TMEM131L: variants seen among roughly 807,000 people sequenced by gnomAD.
TMEM131L encodes transmembrane 131 like.
A neutral mutation model predicts 192.2 loss-of-function variants in TMEM131L; 54 were observed. The observed-to-expected ratio is 0.28, with a 90% confidence interval of 0.23 to 0.35. The LOEUF (loss-of-function observed/expected upper bound fraction) is 0.35. Ranked by LOEUF, TMEM131L falls within the 10% of genes least tolerant of loss-of-function variation. The probability of loss-of-function intolerance (pLI) is 1.00; values close to 1 mark genes in which losing one functional copy is unlikely to be tolerated. For synonymous variants in TMEM131L, 701 were observed against 704.9 expected (o/e 0.99, Z 0.09); for missense variants, 1,888 against 1,972.9 (o/e 0.96, Z 0.82).
chr4:153,474,732 T>G (rs1431515989), intron 3 of TMEM131L, among the ~76,000 whole-genome samples: 1 of 152,116 alleles, frequency 6.6e-6, no homozygotes, highest in Non-Finnish European at 1.5e-5. Context: ...ATTTTTGTAT[T>G]TTTAGTAGAG....
At chr4:153,635,610 G>T in intron 34 of TMEM131L, 39 bp downstream of exon 34, 1 of 1,607,010 alleles carries the variant, frequency 6.2e-7, no homozygotes, top group Non-Finnish European at 8.5e-7. Flanking sequence ...CCCCTGGGCA[G>T]CTCTGAATTG....
chr4:153,582,054 T>C (rs1483642096), intron 9 of TMEM131L, among the ~76,000 whole-genome samples: 1 of 152,220 alleles, frequency 6.6e-6, no homozygotes, highest in Non-Finnish European at 1.5e-5. Context: ...CAGAAATAAA[T>C]GCATTCATCT....
chr4:153,583,591 GCT>G lies in TMEM131L; in HGVS notation c.982_983del (p.Leu328ValfsTer5), dbSNP rs1561213737. 3.1e-6 allele frequency: 5 copies of G among 1,611,082 alleles called. No individual in the cohort carries two copies. The highest frequency in any genetic ancestry group is 4.2e-6 in the Non-Finnish European group (5 of 1,178,208). On this transcript the variant is annotated frameshift_variant, in exon 11 of 35. Transcript: ENST00000409959. LOFTEE classifies it high-confidence loss of function. ...TATACGCCATTTCTCACAGAGAGAT[GCT>G]CTGTCTCTGCAGTTTGAACCAGTAC... ...QDIRHFSQRD[A>X]LSLQFEPVLL...
At chr4:153,532,299 G>A (rs1372475005) in intron 3 of TMEM131L, among the ~76,000 whole-genome samples, 2 of 152,198 alleles carry the variant, frequency 1.3e-5, no homozygotes, top group African/African-American at 4.8e-5. Flanking sequence ...CACAGAAAGG[G>A]AATGAGCTTG....
Position 153,466,545 on chromosome 4 carries a change from G to A in TMEM131L, c.124+24G>A, listed in dbSNP as rs564769211. ...AGGTCAGCCTTGCGCCGCTGGGCTC[G>A]CTCTGCCTCTCCACCCCGCCCCCGC... On this transcript the variant is annotated intron_variant, in intron 1 of 34. Coordinates refer to ENST00000409959, the MANE Select transcript of TMEM131L (RefSeq NM_001131007.2). 390 of 1,305,962 alleles carry A rather than the reference G, an allele frequency of 3.0e-4. 1 individual carries two copies. The African/African-American group carries it at 5.1e-3, about 17-fold the overall frequency. 80.9% of individuals were successfully genotyped at this position (1,305,962 alleles called of 1,614,324 possible).
intron 7 of TMEM131L, among the ~76,000 whole-genome samples, chr4:153,561,149 C>G (rs1045353643): frequency 5.1e-4 from 78 of 152,146 alleles, no homozygotes; most frequent in Non-Finnish European, 1.6e-4. Context: ...CATGGAGCAT[C>G]TTTTCATGTG....
In TMEM131L at chr4:153,586,393, T is replaced by C; in HGVS notation, c.1482+14T>C. ...GCACCAACCAAGGTATTTTCTACAA[T>C]ACTATATGTGTGTTACAGTTTTCTT... On this transcript the variant is annotated intron_variant, in intron 14 of 34. Coordinates refer to ENST00000409959, the MANE Select transcript of TMEM131L (RefSeq NM_001131007.2). 3.8e-6 allele frequency: 6 copies of C among 1,568,306 alleles called. No homozygotes were observed. Among genetic ancestry groups the C allele is most frequent in the Non-Finnish European group, 5.2e-6 (6 of 1,157,968 alleles).
rs1024610187 is a variant in TMEM131L at position 153,636,650 on chromosome 4, A to C, written c.*74A>C. On this transcript the variant is annotated 3_prime_UTR_variant, in exon 35 of 35. Coordinates refer to ENST00000409959, the MANE Select transcript of TMEM131L (RefSeq NM_001131007.2). Reference sequence around the variant, plus strand: ...TTACTAGTGTAAACTGGTTATTGAGATAGATTATGACATTGGTGGATATTT... The same window carrying C: ...TTACTAGTGTAAACTGGTTATTGAGCTAGATTATGACATTGGTGGATATTT... 2.1e-6 allele frequency: 3 copies of C among 1,431,240 alleles called. No individual in the cohort carries two copies. The African/African-American group carries it at 4.3e-5, about 20-fold the overall frequency. The allele number at this position is 1,431,240 out of a possible 1,614,324, so 88.7% of individuals were successfully genotyped here.
intron 13 of TMEM131L, 77 bp downstream of exon 13, chr4:153,585,688 T>C (rs966801390): frequency 5.9e-5 from 54 of 920,036 alleles, no homozygotes; most frequent in African/African-American, 1.0e-4. Context: ...AAATTATTTC[T>C]ATAAAATAAT....
intron 2 of TMEM131L, among the ~76,000 whole-genome samples, chr4:153,472,718 T>C (rs1462444879): frequency 1.3e-5 from 2 of 152,134 alleles, no homozygotes; most frequent in Non-Finnish European, 2.9e-5. Context: ...AGTGTACCAC[T>C]CTGAAAGGGC....
At chr4:153,601,631 T>C (rs1042216013) in intron 21 of TMEM131L, among the ~76,000 whole-genome samples, 1 of 152,262 alleles carries the variant, frequency 6.6e-6, no homozygotes, top group Non-Finnish European at 1.5e-5. Flanking sequence ...TCATAATCTT[T>C]CTTTTTTCAA....
At chr4:153,486,546 C>T (rs952615214) in intron 3 of TMEM131L, among the ~76,000 whole-genome samples, 2 of 152,192 alleles carry the variant, frequency 1.3e-5, no homozygotes, top group Non-Finnish European at 2.9e-5. Context: ...AGTGTCAGCA[C>T]CTGGGAGCCT....
rs572389756 is a variant in TMEM131L at position 153,523,504 on chromosome 4, A to G, written c.240-26569A>G. Among the ~76,000 whole-genome samples the G allele has an allele frequency of 7.9e-5, 12 of 152,344 alleles. No individual in the cohort carries two copies. The South Asian group carries it at 2.5e-3, about 32-fold the overall frequency. On this transcript the variant is annotated intron_variant, in intron 3 of 34. Coordinates refer to ENST00000409959, the MANE Select transcript of TMEM131L (RefSeq NM_001131007.2). ...TTTAGGAGGAAACTAAATCTGTGGC[A>G]TAAGTCTGAAGGTAAGACTTGGTAA... is the stretch of plus-strand genomic sequence containing the variant.
At chr4:153,492,804 T>C (rs762198525) in intron 3 of TMEM131L, among the ~76,000 whole-genome samples, 9 of 152,134 alleles carry the variant, frequency 5.9e-5, no homozygotes, top group Non-Finnish European at 1.3e-4. Context: ...TTGTATAATT[T>C]GGCTCAGGGC....
chr4:153,515,662 C>G (rs1734679511), intron 3 of TMEM131L, among the ~76,000 whole-genome samples: 1 of 152,126 alleles, frequency 6.6e-6, no homozygotes, highest in Non-Finnish European at 1.5e-5. Context: ...AATTGTTTTC[C>G]AAAGTAGTTG....
intron 26 of TMEM131L, among the ~76,000 whole-genome samples, chr4:153,615,262 G>A (rs893033998): frequency 1.3e-5 from 2 of 152,246 alleles, no homozygotes; most frequent in Non-Finnish European, 2.9e-5. Flanking sequence ...TTGACAAGCA[G>A]TAAGTCTCAA....
intron 33 of TMEM131L, among the ~76,000 whole-genome samples, chr4:153,635,163 A>C (rs1007258938): frequency 1.3e-5 from 2 of 152,216 alleles, no homozygotes; most frequent in African/African-American, 4.8e-5. Flanking sequence ...ATTTTGTGTA[A>C]TAGAAAGATT....
chr4:153,487,300 G>C (rs1418352360), intron 3 of TMEM131L, among the ~76,000 whole-genome samples: 1 of 152,190 alleles, frequency 6.6e-6, no homozygotes, highest in African/African-American at 2.4e-5. Flanking sequence ...CACTGGCCCA[G>C]GATTTTATCA....
At chr4:153,571,203 G>A (rs1425443483) in intron 7 of TMEM131L, among the ~76,000 whole-genome samples, 2 of 152,096 alleles carry the variant, frequency 1.3e-5, no homozygotes, top group East Asian at 1.9e-4. Context: ...TTACATAAGA[G>A]ATACTCTCCT....
Sources: gnomAD v4.1 joint callset for allele counts (sites outside exome capture counted in the v4.1 genomes callset) on GRCh38, gnomAD v4.1.1 for gene constraint, MANE v1.5 for transcripts, NCBI Gene and HGNC (gene_info 2026-07-23, HGNC 2026-07-21) for gene names.